ZFHX3: variants seen among roughly 807,000 people sequenced by gnomAD.
ZFHX3 encodes zinc finger homeobox protein 3.
A neutral mutation model predicts 279.1 loss-of-function variants in ZFHX3; 42 were observed. The observed-to-expected ratio is 0.15, with a 90% CI of 0.12 to 0.19. The LOEUF (loss-of-function observed/expected upper bound fraction) is 0.19. ZFHX3 is among the 10% of genes least tolerant of loss of function. The pLI, the probability that ZFHX3 is intolerant of heterozygous loss-of-function variation, is 1.00. For missense variants in ZFHX3, 4,981 were observed against 4,754.0 expected (o/e 1.05, Z -1.40); for synonymous variants, 2,293 against 1,957.8 (o/e 1.17, Z -4.52).
intron 1 of ZFHX3, among the ~76,000 whole-genome samples, chr16:73,725,389 C>T (rs2142242293): frequency 6.6e-6 from 1 of 152,254 alleles, no homozygotes; most frequent in African/African-American, 2.4e-5. Context: ...TCCTCTGCAT[C>T]CCATGCCAAA....
At chr16:73,868,355 C>G (rs1024854302) in intron 1 of ZFHX3, among the ~76,000 whole-genome samples, 7 of 152,156 alleles carry the variant, frequency 4.6e-5, no homozygotes, top group Non-Finnish European at 8.8e-5. Context: ...AACCCTGTCT[C>G]TACCAAAAAT....
chr16:73,817,420 T>C (rs1187287074), intron 1 of ZFHX3, among the ~76,000 whole-genome samples: 2 of 152,180 alleles, frequency 1.3e-5, no homozygotes, highest in Admixed American at 1.3e-4. Flanking sequence ...TGCAAACCTT[T>C]TCAAAGACTT....
chr16:73,026,192 C>CAAAAA (rs60146795), intron 1 of ZFHX3, among the ~76,000 whole-genome samples: 17 of 47,486 alleles, frequency 3.6e-4, no homozygotes, highest in East Asian at 7.4e-4. Context: ...ACAAAAAATA[C>CAAAAA]AAAAAAAAAA....
intron 1 of ZFHX3, among the ~76,000 whole-genome samples, chr16:72,962,395 G>A (rs1347115516): frequency 2.0e-5 from 3 of 152,244 alleles, no homozygotes. Flanking sequence ...CAAAGCGGAA[G>A]ATGTCAGGAA....
At chr16:73,162,519 T>C (rs11862861) in intron 5 of ZFHX3, among the ~76,000 whole-genome samples, 67,654 of 152,126 alleles carry the variant, frequency 0.44, 15,159 homozygotes, top group Middle Eastern at 0.55. Context: ...ATGTAATGCA[T>C]AAAATGATTC....
chr16:73,115,516 C>A (rs150646894), intron 7 of ZFHX3, among the ~76,000 whole-genome samples: 131 of 152,176 alleles, frequency 8.6e-4, no homozygotes, highest in African/African-American at 3.0e-3. Flanking sequence ...TGCCACTGCA[C>A]TCCAGCCAGG....
At position 73,721,539 on chromosome 16, in the gene ZFHX3, C is replaced by T. The variant is rs139996023; in HGVS notation, c.-1607-41299G>A. ...AGCTAGGATCTGAATCTGTAATAAA[C>T]AGAAATCCTAACTGGACTGTGAAGC... On this transcript the variant is annotated intron_variant, in intron 1 of 17. Transcript: ENST00000641206. Among the ~76,000 whole-genome samples, 266 of 152,268 alleles carry T rather than the reference C, an allele frequency of 1.7e-3. 3 individuals are homozygous for T. In the East Asian group the frequency reaches 0.018, roughly 10 times the overall value.
At chr16:73,602,492 C>A (rs147783686) in intron 2 of ZFHX3, among the ~76,000 whole-genome samples, 2 of 152,164 alleles carry the variant, frequency 1.3e-5, no homozygotes, top group East Asian at 3.9e-4. Context: ...CTTTATCCTG[C>A]CTTAATTGTC....
At chr16:72,836,481 G>A (rs889364370) in intron 4 of ZFHX3, among the ~76,000 whole-genome samples, 2 of 152,102 alleles carry the variant, frequency 1.3e-5, no homozygotes, top group African/African-American at 2.4e-5. Context: ...GCCCTGCCTC[G>A]GGAATTTTCC....
intron 3 of ZFHX3, among the ~76,000 whole-genome samples, chr16:73,431,865 T>C (rs79387640): frequency 0.039 from 5,861 of 152,182 alleles, 350 homozygotes; most frequent in African/African-American, 0.13. Flanking sequence ...AGTAGTGTCA[T>C]TGGAGGTGAG....
intron 1 of ZFHX3, among the ~76,000 whole-genome samples, chr16:72,969,933 C>T (rs956892304): frequency 6.6e-6 from 1 of 152,352 alleles, no homozygotes; most frequent in East Asian, 1.9e-4. Context: ...CTTGAACAGG[C>T]GCCTTGTGCT....
chr16:73,627,852 A>G (rs780263820), intron 2 of ZFHX3, among the ~76,000 whole-genome samples: 1 of 152,162 alleles, frequency 6.6e-6, no homozygotes, highest in Non-Finnish European at 1.5e-5. Flanking sequence ...CAGGAGGTGG[A>G]GGTTACAGTG....
intron 5 of ZFHX3, among the ~76,000 whole-genome samples, chr16:73,192,567 C>T (rs1968066263): frequency 6.6e-6 from 1 of 152,160 alleles, no homozygotes; most frequent in Non-Finnish European, 1.5e-5. Flanking sequence ...TGTCTGGCTC[C>T]TTTAAAAGAG....
rs767164411 is a variant in ZFHX3, at chr16:72,958,842, T to A, written c.1304A>T (p.Asp435Val). ...SSPTKSSEGK[D>V]SGAAEGEKQE... ...CTTCTCTCCTTCTGCCGCCCCAGAG[T>A]CCTTGCCCTCTGAGGATTTGGTAGG... The change falls in exon 2 of 10, where the codon GAC becomes GTC. Residue 435 changes from aspartate (D) to valine (V), a missense_variant. Coordinates refer to ENST00000268489, the MANE Select transcript of ZFHX3 (RefSeq NM_006885.4). 6.2e-7 allele frequency: 1 copy of A among 1,613,822 alleles called. No homozygotes were observed. Among genetic ancestry groups the A allele is most frequent in the East Asian group, 2.2e-5 (1 of 44,848 alleles).
At chr16:73,406,677 G>T (rs75736687) in intron 3 of ZFHX3, among the ~76,000 whole-genome samples, 1 of 152,156 alleles carries the variant, frequency 6.6e-6, no homozygotes, top group African/African-American at 2.4e-5. Context: ...CCCAAATCCT[G>T]CCTGTATCTG....
At chr16:73,686,894 T>C (rs999545842) in intron 1 of ZFHX3, among the ~76,000 whole-genome samples, 6 of 151,310 alleles carry the variant, frequency 4.0e-5, no homozygotes, top group Non-Finnish European at 7.4e-5. Flanking sequence ...TGGTTCACCC[T>C]GTATTCACCA....
At chr16:73,531,049 GC>G (rs2143727297) in intron 2 of ZFHX3, among the ~76,000 whole-genome samples, 1 of 152,324 alleles carries the variant, frequency 6.6e-6, no homozygotes, top group East Asian at 1.9e-4. Flanking sequence ...ATGCCAAATA[GC>G]TTTTTTCTTC....
chr16:73,685,499 A>G (rs920902039), intron 1 of ZFHX3, among the ~76,000 whole-genome samples: 8 of 152,226 alleles, frequency 5.3e-5, no homozygotes, highest in African/African-American at 1.9e-4. Flanking sequence ...CAGCTTCCAG[A>G]AAGGATCACA....
chr16:73,400,079 A>AG (rs1003297711), intron 3 of ZFHX3: 7 of 151,970 alleles, frequency 4.6e-5, no homozygotes, highest in Non-Finnish European at 1.0e-4. Flanking sequence ...ATCTGTAAAA[A>AG]AAAAAAAAAA....
Sources: gnomAD v4.1 joint callset for allele counts (sites outside exome capture counted in the v4.1 genomes callset) on GRCh38, gnomAD v4.1.1 for gene constraint, MANE v1.5 for transcripts, NCBI Gene and HGNC (gene_info 2026-07-23, HGNC 2026-07-21) for gene names.